Variants in COQ10A observed in about 807,000 individuals in gnomAD.
The protein encoded by COQ10A is coenzyme Q10A, also known as coenzyme Q-binding protein COQ10 homolog A, mitochondrial.
A neutral mutation model predicts 26.1 loss-of-function variants in COQ10A; 25 were observed. The observed-to-expected ratio is 0.96, with a 90% CI of 0.70 to 1.34. The LOEUF is 1.34. Among genes scored for constraint, COQ10A ranks in the 40% most tolerant of loss-of-function variants. The pLI, the probability that COQ10A is intolerant of heterozygous loss-of-function variation, is 0.00. For missense variants in COQ10A, 312 were observed against 335.4 expected, an observed-to-expected ratio of 0.93 and a Z score of 0.54; for synonymous variants, 132 against 124.0, an observed-to-expected ratio of 1.06 and a Z score of -0.43.
In COQ10A at chr12:56,269,129, A is replaced by G. The variant is rs1872431701; in HGVS notation, c.352A>G (p.Lys118Glu). 3 of 1,614,086 alleles carry G rather than the reference A, an allele frequency of 1.9e-6. No individual in the cohort carries two copies. The highest frequency in any genetic ancestry group is 8.5e-7 in the Non-Finnish European group (1 of 1,180,026). ...QEYREFVPWC[K>E]KSLVVSSRKG... Reference sequence around the variant, plus strand: ...GTATCGTGAGTTTGTGCCCTGGTGTAAGAAGTCTCTGGTGGTATCCAGCCG... The same window carrying G: ...GTATCGTGAGTTTGTGCCCTGGTGTGAGAAGTCTCTGGTGGTATCCAGCCG... The change falls in exon 3 of 5, where the codon AAG becomes GAG. Residue 118 changes from lysine (K) to glutamate (E), a missense_variant. Coordinates refer to ENST00000308197, the MANE Select transcript of COQ10A (RefSeq NM_144576.4).
At chr12:56,267,652 G>C in intron 1 of COQ10A, 142 bp from the exon 2 acceptor site, 1 of 1,281,062 alleles carries the variant, frequency 7.8e-7, no homozygotes, top group Non-Finnish European at 1.1e-6. Flanking sequence ...GCCAGAGAGA[G>C]CCTAGCGGGC....
Position 56,267,175 on chromosome 12 carries a change from C to T in COQ10A, c.57C>T (p.Arg19=). 2 of 1,364,676 alleles carry T rather than the reference C, an allele frequency of 1.5e-6. No individual in the cohort carries two copies. Among genetic ancestry groups the T allele is most frequent in the South Asian group, 1.7e-5 (1 of 57,496 alleles). 84.5% of individuals were successfully genotyped at this position (1,364,676 alleles called of 1,614,324 possible). The change falls in exon 1 of 5, where the codon CGC becomes CGT. Residue 19 remains arginine (R), a synonymous_variant. Coordinates refer to ENST00000308197, the MANE Select transcript of COQ10A (RefSeq NM_144576.4). ...CTGGGACGCGCGCGGCAGCCGAGCG[C>T]TGCTGCCGGCTCTCGCTCAGCCCGG... ...VPAGTRAAAE[R]CCRLSLSPGA...
At position 56,267,128 on chromosome 12, in the gene COQ10A, G is replaced by C; in HGVS notation, c.10G>C (p.Ala4Pro). Reference sequence around the variant, plus strand: ...AGGCAGGGTCGCGCGCATGGCCTGGGCGGGCTCGCGGCGGGTCCCAGCTGG... The same window carrying C: ...AGGCAGGGTCGCGCGCATGGCCTGGCCGGGCTCGCGGCGGGTCCCAGCTGG... MAWAGSRRVPAGTR... is the reference protein window; with the variant it reads MAWPGSRRVPAGTR... Residue 4 changes from alanine to proline, a missense_variant, in exon 1 of 5, where the codon GCG (alanine) becomes CCG (proline). Transcript: ENST00000308197. 1 of 1,300,278 alleles carries C rather than the reference G, an allele frequency of 7.7e-7. No homozygotes were observed. The highest frequency in any genetic ancestry group is 4.1e-5 in the Admixed American group (1 of 24,556). The allele number at this position is 1,300,278 out of a possible 1,614,324, so 80.5% of individuals were successfully genotyped here. A position where few individuals can be genotyped will look rare whatever the true frequency, so the allele number is the denominator to read the frequency against.
At chr12:56,267,480 C>A in intron 1 of COQ10A, 1 of 1,609,896 alleles carries the variant, frequency 6.2e-7, no homozygotes, top group African/African-American at 1.3e-5. Flanking sequence ...CCTGGGGTCC[C>A]CGGGGACAGT....
In COQ10A at chr12:56,269,117, G is replaced by C; in HGVS notation, c.340G>C (p.Val114Leu). The C allele has an allele frequency of 1.9e-6, 3 of 1,614,128 alleles. No individual in the cohort carries two copies. The highest frequency in any genetic ancestry group is 2.5e-6 in the Non-Finnish European group (3 of 1,180,032). Residue 114 changes from valine to leucine, a missense_variant, in exon 3 of 5, where the codon GTG (valine) becomes CTG (leucine). Transcript: ENST00000308197. ...VSNVQEYREF[V>L]PWCKKSLVVS... Reference sequence around the variant, plus strand: ...CAACGTCCAGGAGTATCGTGAGTTTGTGCCCTGGTGTAAGAAGTCTCTGGT... The same window carrying C: ...CAACGTCCAGGAGTATCGTGAGTTTCTGCCCTGGTGTAAGAAGTCTCTGGT...
chr12:56,268,975 G>A, intron 2 of COQ10A, 84 bp from the exon 3 acceptor site: 1 of 1,132,274 alleles, frequency 8.8e-7, no homozygotes, highest in Non-Finnish European at 1.3e-6. Context: ...TGGTTAGTGG[G>A]CAAAGGTATG....
chr12:56,267,714 C>T, intron 1 of COQ10A, 80 bp from the exon 2 acceptor site: 1 of 1,578,112 alleles, frequency 6.3e-7, no homozygotes. Context: ...GTCTGGGATG[C>T]ACTCTTCTTC....
In COQ10A at chr12:56,267,154, G is replaced by T. The variant is rs757863379; in HGVS notation, c.36G>T (p.Gly12=). 16 of 1,340,864 alleles carry T rather than the reference G, an allele frequency of 1.2e-5. No individual in the cohort carries two copies. The South Asian group carries it at 2.3e-4, about 19-fold the overall frequency. The allele number at this position is 1,340,864 out of a possible 1,614,324, so 83.1% of individuals were successfully genotyped here. A position where few individuals can be genotyped will look rare whatever the true frequency, so the allele number is the denominator to read the frequency against. ...AWAGSRRVPA[G]TRAAAERCCR... is the part of the protein sequence containing the mutation. ...CGGGCTCGCGGCGGGTCCCAGCTGG[G>T]ACGCGCGCGGCAGCCGAGCGCTGCT... is the stretch of plus-strand genomic sequence containing the variant. The change falls in exon 1 of 5, where the codon GGG becomes GGT. Residue 12 remains glycine (G), a synonymous_variant. Coordinates refer to ENST00000308197, the MANE Select transcript of COQ10A (RefSeq NM_144576.4).
rs1234390446 is a variant in COQ10A, at chr12:56,267,023, C to T, written c.-96C>T. ...CCGTCGCCCCTGCGCTCAGAGGTCC[C>T]GAACCAGCCCAGCCGCTGCCTCTTG... On this transcript the variant is annotated 5_prime_UTR_variant, in exon 1 of 5. Transcript: ENST00000308197. 4.2e-6 allele frequency: 5 copies of T among 1,181,650 alleles called. 1 individual carries two copies. The South Asian group carries it at 1.2e-4, about 27-fold the overall frequency. The allele number at this position is 1,181,650 out of a possible 1,614,324, so 73.2% of individuals were successfully genotyped here.
At chr12:56,269,627 C>A in intron 4 of COQ10A, 66 bp downstream of exon 4, 1 of 1,111,454 alleles carries the variant, frequency 9.0e-7, no homozygotes, top group Non-Finnish European at 1.4e-6. Context: ...GGTACTGTGA[C>A]AGGGTTATTA....
Position 56,267,187 on chromosome 12 carries a change from C to G in COQ10A, c.69C>G (p.Leu23=). The G allele has an allele frequency of 1.5e-6, 2 of 1,375,410 alleles. No homozygotes were observed. Among genetic ancestry groups the G allele is most frequent in the East Asian group, 3.0e-5 (1 of 33,016 alleles). 85.2% of individuals were successfully genotyped at this position (1,375,410 alleles called of 1,614,324 possible). Reference sequence around the variant, plus strand: ...CGGCAGCCGAGCGCTGCTGCCGGCTCTCGCTCAGCCCGGGCGCGCAACCGG... The same window carrying G: ...CGGCAGCCGAGCGCTGCTGCCGGCTGTCGCTCAGCCCGGGCGCGCAACCGG... ...TRAAAERCCR[L]SLSPGAQPAP... The change falls in exon 1 of 5, where the codon CTC becomes CTG. Residue 23 remains leucine (L), a synonymous_variant. Transcript: ENST00000308197.
In COQ10A at chr12:56,270,731, TGAGATTCCTCAG is replaced by T. The variant is rs1001608063; in HGVS notation, c.*419_*430del. On this transcript the variant is annotated 3_prime_UTR_variant, in exon 5 of 5. Transcript: ENST00000308197. ...AGTGGTAAGTAACTTTTACCCTGCC[TGAGATTCCTCAG>T]GAGAAAAGGCAACCTGCCTCCAGCC... 6.5e-5 allele frequency: 10 copies of T among 154,454 alleles called. No individual in the cohort carries two copies. The highest frequency in any genetic ancestry group is 2.4e-4 in the African/African-American group (10 of 41,530). 9.6% of individuals were successfully genotyped at this position (154,454 alleles called of 1,614,324 possible). A position where few individuals can be genotyped will look rare whatever the true frequency, so the allele number is the denominator to read the frequency against.
At chr12:56,267,304 G>C in intron 1 of COQ10A, 52 bp downstream of exon 1, 1 of 1,599,250 alleles carries the variant, frequency 6.3e-7, no homozygotes, top group Non-Finnish European at 8.5e-7. Context: ...CGAACCCCGG[G>C]GTTCCGCGGT....
rs758934328 is a variant in COQ10A at position 56,267,828 on chromosome 12, G to C, written c.169G>C (p.Ala57Pro). 1 of 1,614,182 alleles carries C rather than the reference G, an allele frequency of 6.2e-7. No homozygotes were observed. Among genetic ancestry groups the C allele is most frequent in the Non-Finnish European group, 8.5e-7 (1 of 1,180,034 alleles). Residue 57 changes from alanine (A) to proline (P), a missense_variant, in exon 2 of 5, where the codon GCT (alanine) becomes CCT (proline). Ala to Pro is a conservative substitution (Grantham distance 27). Coordinates refer to ENST00000308197, the MANE Select transcript of COQ10A (RefSeq NM_144576.4). ...CTCCTGCAGCCTCCTCTTGCCTCGG[G>C]CTGCCCAGATCTTGGCGGCTGAGGC... is the stretch of plus-strand genomic sequence containing the variant. Reference protein sequence around the residue: ...LTSCSLLLPRAAQILAAEAGL... With the variant: ...LTSCSLLLPRPAQILAAEAGL...
At position 56,270,524 on chromosome 12, in the gene COQ10A, G is replaced by A; in HGVS notation, c.*207G>A. 2 of 585,956 alleles carry A rather than the reference G, an allele frequency of 3.4e-6. No homozygotes were observed. The highest frequency in any genetic ancestry group is 5.9e-6 in the Non-Finnish European group (2 of 336,356). 36.3% of individuals were successfully genotyped at this position (585,956 alleles called of 1,614,324 possible). A position where few individuals can be genotyped will look rare whatever the true frequency, so the allele number is the denominator to read the frequency against. On this transcript the variant is annotated 3_prime_UTR_variant, in exon 5 of 5. Coordinates refer to ENST00000308197, the MANE Select transcript of COQ10A (RefSeq NM_144576.4). ...AGGATGTGGAAATGAGATGTGCTTA[G>A]GAAAGGGTCAGGCCCATCGTAGGAG... is the stretch of plus-strand genomic sequence containing the variant.
chr12:56,268,951 T>C, intron 2 of COQ10A, 108 bp from the exon 3 acceptor site: 2 of 802,852 alleles, frequency 2.5e-6, no homozygotes, highest in Non-Finnish European at 4.1e-6. Context: ...GGATCTGTAG[T>C]TCCTGAAGGT....
chr12:56,269,095 C>G lies in COQ10A; in HGVS notation c.318C>G (p.Asn106Lys). Residue 106 changes from asparagine to lysine, a missense_variant, in exon 3 of 5, where the codon AAC (asparagine) becomes AAG (lysine). By Grantham distance (94) the Asn-to-Lys change is moderately conservative. Transcript: ENST00000308197. ...AGGAGATGTATGAGGTGGTGTCCAA[C>G]GTCCAGGAGTATCGTGAGTTTGTGC... Reference protein sequence around the residue: ...SMQEMYEVVSNVQEYREFVPW... With the variant: ...SMQEMYEVVSKVQEYREFVPW... 6.2e-7 allele frequency: 1 copy of G among 1,613,998 alleles called. No individual in the cohort carries two copies. Among genetic ancestry groups the G allele is most frequent in the Non-Finnish European group, 8.5e-7 (1 of 1,180,008 alleles).
Position 56,270,506 on chromosome 12 carries a change from G to A in COQ10A, c.*189G>A. Reference sequence around the variant, plus strand: ...GGGGGAAAGAGAAGGCAAAGGATGTGGAAATGAGATGTGCTTAGGAAAGGG... The same window carrying A: ...GGGGGAAAGAGAAGGCAAAGGATGTAGAAATGAGATGTGCTTAGGAAAGGG... On this transcript the variant is annotated 3_prime_UTR_variant, in exon 5 of 5. Coordinates refer to ENST00000308197, the MANE Select transcript of COQ10A (RefSeq NM_144576.4). 1 of 626,774 alleles carries A rather than the reference G, an allele frequency of 1.6e-6. No homozygotes were observed. Among genetic ancestry groups the A allele is most frequent in the East Asian group, 2.9e-5 (1 of 34,874 alleles). The allele number at this position is 626,774 out of a possible 1,614,324, so 38.8% of individuals were successfully genotyped here.
intron 2 of COQ10A, 110 bp downstream of exon 2, chr12:56,268,050 C>T (rs1281163352): frequency 7.4e-7 from 1 of 1,347,786 alleles, no homozygotes; most frequent in African/African-American, 1.4e-5. Context: ...CCCTAGCCAT[C>T]CCCCTCCCCA....
Sources: allele counts gnomAD v4.1 joint callset, GRCh38; gene constraint gnomAD v4.1.1; transcripts MANE v1.5; gene names NCBI Gene and HGNC (gene_info 2026-07-23, HGNC 2026-07-21).